LDLRAD3: variants seen among roughly 807,000 people sequenced by gnomAD.
The protein encoded by LDLRAD3 is low density lipoprotein receptor class A domain containing 3, also known as low-density lipoprotein receptor class A domain-containing protein 3.
A neutral mutation model predicts 29.4 loss-of-function variants in LDLRAD3; 20 were observed. The ratio of observed to expected loss-of-function variants is 0.68; its 90% CI spans 0.48 to 0.99. LDLRAD3 has a LOEUF of 0.99. Among genes scored for constraint, LDLRAD3 ranks in the 50% least tolerant of loss-of-function variants. The probability of loss-of-function intolerance (pLI) is 0.00; values close to 1 mark genes in which losing one functional copy is unlikely to be tolerated. For synonymous variants in LDLRAD3, 157 were observed against 192.7 expected (o/e 0.81, Z 1.53); for missense variants, 420 against 454.3 (o/e 0.92, Z 0.69).
chr11:36,104,625 C>T lies in LDLRAD3; in HGVS notation c.454+6164C>T, dbSNP rs1283392021. Among the ~76,000 whole-genome samples, 3 of 152,214 alleles carry T rather than the reference C, an allele frequency of 2.0e-5. No homozygotes were observed. In the East Asian group the frequency reaches 5.8e-4, roughly 29 times the overall value. Reference sequence around the variant, plus strand: ...ACTGCATGTCAGGCACCATTCTGAGCATTATTGTATTTTCCTGTACAGTTC... The same window carrying T: ...ACTGCATGTCAGGCACCATTCTGAGTATTATTGTATTTTCCTGTACAGTTC... On this transcript the variant is annotated intron_variant, in intron 4 of 5. Transcript: ENST00000315571.
chr11:36,104,646 A>G (rs1355261934), intron 4 of LDLRAD3, among the ~76,000 whole-genome samples: 3 of 152,192 alleles, frequency 2.0e-5, no homozygotes, highest in Non-Finnish European at 4.4e-5. Context: ...TTTCCTGTAC[A>G]GTTCTCACAG....
At chr11:35,991,766 G>C (rs1851692837) in intron 1 of LDLRAD3, among the ~76,000 whole-genome samples, 1 of 152,190 alleles carries the variant, frequency 6.6e-6, no homozygotes, top group Admixed American at 6.5e-5. Context: ...GGTGGAGGGA[G>C]CTGCTTTTGA....
chr11:35,994,908 GT>G (rs1851734963), intron 1 of LDLRAD3, among the ~76,000 whole-genome samples: 1 of 152,202 alleles, frequency 6.6e-6, no homozygotes, highest in African/African-American at 2.4e-5. Context: ...CATCAATTCA[GT>G]CACATCTTTA....
At chr11:36,100,807 A>G (rs946818142) in intron 4 of LDLRAD3, among the ~76,000 whole-genome samples, 2 of 152,162 alleles carry the variant, frequency 1.3e-5, no homozygotes, top group Non-Finnish European at 2.9e-5. Flanking sequence ...GTTCAGTGAA[A>G]AGACTCCCAC....
At chr11:36,130,898 T>C (rs1290788980) in intron 4 of LDLRAD3, among the ~76,000 whole-genome samples, 2 of 152,190 alleles carry the variant, frequency 1.3e-5, no homozygotes, top group African/African-American at 4.8e-5. Context: ...GCGCACTATC[T>C]CTTTCATGGA....
chr11:36,035,804 C>T (rs558218570), intron 1 of LDLRAD3, among the ~76,000 whole-genome samples: 1 of 152,268 alleles, frequency 6.6e-6, no homozygotes, highest in South Asian at 2.1e-4. Context: ...CAGAAAAGAA[C>T]ATTTGGATTT....
At chr11:36,150,553 AC>A (rs781612833) in intron 4 of LDLRAD3, among the ~76,000 whole-genome samples, 20 of 151,686 alleles carry the variant, frequency 1.3e-4, no homozygotes, top group Non-Finnish European at 2.4e-4. Context: ...AAAAGGCAAG[AC>A]CATCCTGGCT....
rs1854415975 is a variant in LDLRAD3 at position 36,160,021 on chromosome 11, A to G, written c.454+61560A>G. On this transcript the variant is annotated intron_variant, in intron 4 of 5. Coordinates refer to ENST00000315571, the MANE Select transcript of LDLRAD3 (RefSeq NM_174902.4). The stretch of plus-strand genomic sequence containing the variant: ...CGTTGCTGCACATTGCTAGTGGTTG[A>G]TAAGACCGTTGCAGGAAAATTTATA... Among the ~76,000 whole-genome samples the G allele has an allele frequency of 2.0e-5, 3 of 152,318 alleles. No homozygotes were observed. The South Asian group carries it at 6.2e-4, about 32-fold the overall frequency.
rs905826648 is a variant in LDLRAD3 at position 36,115,842 on chromosome 11, G to A, written c.454+17381G>A. 1.7e-4 allele frequency among the ~76,000 whole-genome samples: 26 copies of A among 152,192 alleles called. 1 individual carries two copies. The highest frequency in any genetic ancestry group is 2.8e-4 in the Non-Finnish European group (19 of 68,028). ...GAGGATATGGAGGAGAACATTAGAT[G>A]TGAGAAAGTTTTTAAAAATAAAGTC... On this transcript the variant is annotated intron_variant, in intron 4 of 5. Coordinates refer to ENST00000315571, the MANE Select transcript of LDLRAD3 (RefSeq NM_174902.4).
At chr11:35,945,164 T>C (rs891594932) in intron 1 of LDLRAD3, among the ~76,000 whole-genome samples, 2 of 152,226 alleles carry the variant, frequency 1.3e-5, no homozygotes, top group Non-Finnish European at 2.9e-5. Flanking sequence ...GTTTGTGCCA[T>C]CCACATGTCC....
At chr11:36,187,234 C>A (rs1397983337) in intron 4 of LDLRAD3, among the ~76,000 whole-genome samples, 1 of 152,080 alleles carries the variant, frequency 6.6e-6, no homozygotes, top group Non-Finnish European at 1.5e-5. Flanking sequence ...TGAGAAAGAG[C>A]AAACTGCTTA....
intron 4 of LDLRAD3, among the ~76,000 whole-genome samples, chr11:36,212,290 C>G (rs919999733): frequency 1.2e-4 from 18 of 152,104 alleles, no homozygotes; most frequent in Non-Finnish European, 1.5e-4. Flanking sequence ...AGTCCCACCC[C>G]CTTCCCGTGC....
intron 2 of LDLRAD3, among the ~76,000 whole-genome samples, chr11:36,058,038 C>A (rs1590231892): frequency 6.6e-6 from 1 of 152,238 alleles, no homozygotes; most frequent in African/African-American, 2.4e-5. Flanking sequence ...GGAGATGTCT[C>A]TTTGATTTTC....
At chr11:36,040,609 A>T (rs1287955049) in intron 2 of LDLRAD3, among the ~76,000 whole-genome samples, 1 of 152,024 alleles carries the variant, frequency 6.6e-6, no homozygotes, top group African/African-American at 2.4e-5. Flanking sequence ...CCAGTTTTCC[A>T]CTATGGGAAA....
intron 4 of LDLRAD3, among the ~76,000 whole-genome samples, chr11:36,172,204 G>C (rs189743377): frequency 6.6e-5 from 10 of 152,224 alleles, no homozygotes; most frequent in Admixed American, 5.2e-4. Flanking sequence ...GAATTTATTT[G>C]TCAGATCTAG....
chr11:36,193,314 G>C (rs908394770), intron 4 of LDLRAD3, among the ~76,000 whole-genome samples: 3 of 151,994 alleles, frequency 2.0e-5, no homozygotes, highest in African/African-American at 7.3e-5. Flanking sequence ...CCTAATTCAG[G>C]CCTACTTTCC....
At chr11:36,062,906 G>A (rs1014771089) in intron 2 of LDLRAD3, among the ~76,000 whole-genome samples, 2 of 152,126 alleles carry the variant, frequency 1.3e-5, no homozygotes, top group East Asian at 1.9e-4. Context: ...GGACTAATAC[G>A]TTGACCCACT....
intron 1 of LDLRAD3, among the ~76,000 whole-genome samples, chr11:35,989,532 T>G (rs1468836989): frequency 2.0e-5 from 3 of 152,194 alleles, no homozygotes; most frequent in Non-Finnish European, 4.4e-5. Context: ...TGTTTGTTTG[T>G]GTCTATGATA....
intron 4 of LDLRAD3, among the ~76,000 whole-genome samples, chr11:36,216,837 T>C (rs569535067): frequency 1.3e-5 from 2 of 152,290 alleles, no homozygotes; most frequent in East Asian, 3.9e-4. Flanking sequence ...TGAGTATTCA[T>C]TGAAGTTACT....
Sources: allele counts gnomAD v4.1 joint callset (sites outside exome capture counted in the v4.1 genomes callset), GRCh38; gene constraint gnomAD v4.1.1; transcripts MANE v1.5; gene names NCBI Gene and HGNC (gene_info 2026-07-23, HGNC 2026-07-21).